The following STOML3 variants were observed in gnomAD, a reference collection of about 807,000 sequenced individuals.
The protein encoded by STOML3 is stomatin like 3, also known as stomatin-like protein 3.
Under a neutral mutation model 29.5 loss-of-function variants are expected in STOML3, and 31 were observed. The observed-to-expected ratio is 1.05, with a 90% CI of 0.79 to 1.42. STOML3 has a LOEUF of 1.42. Ranked by LOEUF, STOML3 falls within the 40% of genes most tolerant of loss-of-function variation. The probability of loss-of-function intolerance (pLI) is 0.00; values close to 1 mark genes in which losing one functional copy is unlikely to be tolerated. For missense variants in STOML3, 380 were observed against 363.0 expected (o/e 1.05, Z -0.38); for synonymous variants, 122 against 139.8 (o/e 0.87, Z 0.90).
rs1593509467 is a variant in STOML3, at chr13:38,987,316, A to C, written c.52+3354T>G. Among the ~76,000 whole-genome samples the C allele has an allele frequency of 2.0e-5, 3 of 152,164 alleles. No homozygotes were observed. The South Asian group carries it at 6.2e-4, about 32-fold the overall frequency. ...GGCTGGAGGATCACTTGAGCCCAAA[A>C]GTTCGAGACCAGCCTGGGCAATATG... On this transcript the variant is annotated intron_variant, in intron 1 of 6. Coordinates refer to ENST00000379631, the MANE Select transcript of STOML3 (RefSeq NM_145286.3).
chr13:38,981,688 CA>C (rs1018020899), intron 1 of STOML3, among the ~76,000 whole-genome samples: 12 of 152,054 alleles, frequency 7.9e-5, no homozygotes, highest in Non-Finnish European at 1.3e-4. Flanking sequence ...CATTACACAT[CA>C]AAAAAATGAA....
chr13:38,988,905 T>C (rs1404978587), intron 1 of STOML3, among the ~76,000 whole-genome samples: 3 of 137,194 alleles, frequency 2.2e-5, no homozygotes, highest in Non-Finnish European at 3.1e-5. Context: ...TACTATACTA[T>C]AGAATACATA....
chr13:38,977,997 T>C (rs1410822816), intron 1 of STOML3, among the ~76,000 whole-genome samples: 3 of 151,944 alleles, frequency 2.0e-5, no homozygotes, highest in Non-Finnish European at 4.4e-5. Flanking sequence ...CCTAACCTTG[T>C]GATCTGCCCG....
chr13:38,988,189 ATATAT>A (rs1262450248), intron 1 of STOML3, among the ~76,000 whole-genome samples: 2 of 72,114 alleles, frequency 2.8e-5, no homozygotes, highest in Non-Finnish European at 2.1e-5. Context: ...TTTATATAAA[ATATAT>A]TATATTTCAT....
intron 3 of STOML3, among the ~76,000 whole-genome samples, chr13:38,973,096 TAA>T (rs71074495): frequency 0.032 from 1,017 of 32,084 alleles, 7 homozygotes; most frequent in East Asian, 0.13. Flanking sequence ...CCGTCTCTAC[TAA>T]AAAAAAAAAA....
chr13:38,978,193 G>A (rs1335252911), intron 1 of STOML3, among the ~76,000 whole-genome samples: 1 of 151,130 alleles, frequency 6.6e-6, no homozygotes, highest in African/African-American at 2.4e-5. Flanking sequence ...TCATTCTGTC[G>A]CCCAGGCTGG....
chr13:38,973,182 T>C (rs1880950942), intron 3 of STOML3, among the ~76,000 whole-genome samples: 1 of 147,676 alleles, frequency 6.8e-6, no homozygotes, highest in South Asian at 2.1e-4. Context: ...CTCGGGAGGC[T>C]GAAGCAGAAG....
At chr13:38,977,750 ATTTTTTTTTTTTT>A (rs397851686) in intron 1 of STOML3, among the ~76,000 whole-genome samples, 13 of 84,234 alleles carry the variant, frequency 1.5e-4, no homozygotes, top group South Asian at 5.4e-4. Flanking sequence ...AAGTCTCCGG[ATTTTTTTTTTTTT>A]TTTTTTTTTT....
chr13:38,990,598 G>C, intron 1 of STOML3, 72 bp downstream of exon 1: 1 of 1,502,668 alleles, frequency 6.7e-7, no homozygotes. Flanking sequence ...CTCTATACCT[G>C]TCTATAATGC....
Position 38,970,439 on chromosome 13 carries a change from CT to C in STOML3, c.313-52del, listed in dbSNP as rs750637949. 4 of 1,515,646 alleles carry C rather than the reference CT, an allele frequency of 2.6e-6. No homozygotes were observed. The South Asian group carries it at 3.4e-5, about 13-fold the overall frequency. 93.9% of individuals were successfully genotyped at this position (1,515,646 alleles called of 1,614,324 possible). A position where few individuals can be genotyped will look rare whatever the true frequency, so the allele number is the denominator to read the frequency against. The stretch of plus-strand genomic sequence containing the variant: ...CACTTATTTATGACTTTCACCACTA[CT>C]GACAAAGTGACAGCCAGCCCAAGAG... On this transcript the variant is annotated intron_variant, in intron 4 of 6. Transcript: ENST00000379631.
chr13:38,966,830 C>T lies in STOML3; in HGVS notation c.871G>A (p.Ala291Thr), dbSNP rs775276305. The T allele has an allele frequency of 1.2e-6, 2 of 1,612,784 alleles. No homozygotes were observed. The highest frequency in any genetic ancestry group is 3.3e-5 in the Admixed American group (2 of 59,968). Residue 291 changes from alanine (A) to threonine (T), a missense_variant, in exon 7 of 7, where the codon GCC becomes ACC. Physicochemically the swap from Ala to Thr is moderately conservative, Grantham distance 58. Transcript: ENST00000379631. ...CTGACTACCGCAAGAGGACCTCAGG[C>T]TTTATTTGGAAGCTTCTTGTGGTTA... ...YDNHKKLPNK[A>T]
chr13:38,980,789 T>C (rs1881243811), intron 1 of STOML3, among the ~76,000 whole-genome samples: 1 of 152,102 alleles, frequency 6.6e-6, no homozygotes, highest in Non-Finnish European at 1.5e-5. Context: ...GAGAATAAAA[T>C]GGGAAACATG....
intron 1 of STOML3, among the ~76,000 whole-genome samples, chr13:38,988,500 T>TAAA (rs1868809878): frequency 9.1e-6 from 1 of 109,426 alleles, no homozygotes; most frequent in Non-Finnish European, 1.8e-5. Flanking sequence ...ATATTTTATA[T>TAAA]ATAATATATT....
chr13:38,973,113 A>C lies in STOML3; in HGVS notation c.230-519T>G, dbSNP rs1455060738. Among the ~76,000 whole-genome samples, 89 of 146,208 alleles carry C rather than the reference A, an allele frequency of 6.1e-4. 3 individuals are homozygous for C. The highest frequency in any genetic ancestry group is 2.0e-3 in the East Asian group (10 of 5,062). On this transcript the variant is annotated intron_variant, in intron 3 of 6. Transcript: ENST00000379631. ...GTCTCTACTAAAAAAAAAAAAAAAA[A>C]AAAAAAAAAAAAAAAAAAATTATCT... is the stretch of plus-strand genomic sequence containing the variant.
At chr13:38,969,512 T>C (rs902033000) in intron 5 of STOML3, among the ~76,000 whole-genome samples, 2 of 152,180 alleles carry the variant, frequency 1.3e-5, no homozygotes, top group African/African-American at 4.8e-5. Context: ...CTTGGGACCT[T>C]TCCTCTACTG....
At chr13:38,976,435 T>G in intron 3 of STOML3, 105 bp downstream of exon 3, 1 of 1,321,012 alleles carries the variant, frequency 7.6e-7, no homozygotes, top group Non-Finnish European at 1.1e-6. Flanking sequence ...TTCTAGCAAT[T>G]TTTCTTTGAC....
At chr13:38,989,736 A>T (rs552708912) in intron 1 of STOML3, among the ~76,000 whole-genome samples, 9 of 152,276 alleles carry the variant, frequency 5.9e-5, no homozygotes, top group African/African-American at 2.2e-4. Context: ...AGCTCAAGTG[A>T]TCTGCCTGCC....
intron 1 of STOML3, among the ~76,000 whole-genome samples, chr13:38,989,579 TGAAGCCTAAA>T (rs1364897032): frequency 6.6e-6 from 1 of 152,098 alleles, no homozygotes; most frequent in African/African-American, 2.4e-5. Context: ...CTCAGCTCAC[TGAAGCCTAAA>T]CCTCCTGGGC....
intron 1 of STOML3, among the ~76,000 whole-genome samples, chr13:38,989,118 C>A (rs964576622): frequency 8.6e-5 from 13 of 151,058 alleles, no homozygotes; most frequent in African/African-American, 3.2e-4. Flanking sequence ...AGAGAATGGT[C>A]CACACTGTAT....
Sources: gnomAD v4.1 joint callset for allele counts (sites outside exome capture counted in the v4.1 genomes callset) on GRCh38, gnomAD v4.1.1 for gene constraint, MANE v1.5 for transcripts, NCBI Gene and HGNC (gene_info 2026-07-23, HGNC 2026-07-21) for gene names.